The following NXN variants were observed in gnomAD, a reference collection of about 807,000 sequenced individuals.
The protein encoded by NXN is nucleoredoxin, also known as nucleoredoxin 1.
In NXN, 16 loss-of-function variants were observed where a neutral mutation model predicts 48.6. That is an observed-to-expected ratio of 0.33 (90% CI 0.22 to 0.50). The LOEUF is 0.50. Ranked by LOEUF, NXN falls within the 20% of genes least tolerant of loss-of-function variation. The pLI is 0.98. For synonymous variants in NXN, 281 were observed against 269.6 expected (o/e 1.04, Z -0.41); for missense variants, 492 against 605.5 (o/e 0.81, Z 1.97).
chr17:941,036 T>C (rs1477440995), intron 1 of NXN, among the ~76,000 whole-genome samples: 2 of 139,068 alleles, frequency 1.4e-5, no homozygotes, highest in East Asian at 2.2e-4. Context: ...GATTCCAGGG[T>C]GCAGCCATGA....
At chr17:960,705 T>C (rs2069226090) in intron 1 of NXN, among the ~76,000 whole-genome samples, 1 of 151,986 alleles carries the variant, frequency 6.6e-6, no homozygotes, top group Non-Finnish European at 1.5e-5. Flanking sequence ...CTCAAACTCC[T>C]GGGCTCGAGT....
chr17:824,809 C>T (rs549097425), intron 2 of NXN, among the ~76,000 whole-genome samples: 29 of 152,318 alleles, frequency 1.9e-4, no homozygotes, highest in South Asian at 1.2e-3. Context: ...ACAGGGTGGT[C>T]CAAGGACCTG....
intron 1 of NXN, among the ~76,000 whole-genome samples, chr17:941,513 C>G (rs1379984299): frequency 1.8e-5 from 2 of 110,314 alleles, no homozygotes; most frequent in African/African-American, 7.6e-5. Context: ...ATTCACCAAA[C>G]ACCTCCCTGG....
chr17:868,158 T>C (rs1053927026), intron 1 of NXN, among the ~76,000 whole-genome samples: 1 of 152,168 alleles, frequency 6.6e-6, no homozygotes. Context: ...GCTGCTTCCC[T>C]GGGAACCATT....
chr17:862,097 C>T (rs2144781625), intron 1 of NXN, among the ~76,000 whole-genome samples: 1 of 152,274 alleles, frequency 6.6e-6, no homozygotes, highest in African/African-American at 2.4e-5. Context: ...TCCCAAAGTG[C>T]TGGGATTACA....
intron 1 of NXN, among the ~76,000 whole-genome samples, chr17:955,882 A>G (rs1215100249): frequency 6.6e-6 from 1 of 151,510 alleles, no homozygotes; most frequent in Non-Finnish European, 1.5e-5. Context: ...AGCCTGGGCG[A>G]CAGAGCGAGA....
intron 1 of NXN, among the ~76,000 whole-genome samples, chr17:901,588 G>A (rs2068538108): frequency 6.6e-6 from 1 of 152,178 alleles, no homozygotes; most frequent in South Asian, 2.1e-4. Context: ...GAAAACCAGG[G>A]CAATGAATTC....
At chr17:872,248 G>C (rs1301521327) in intron 1 of NXN, among the ~76,000 whole-genome samples, 2 of 151,180 alleles carry the variant, frequency 1.3e-5, no homozygotes, top group African/African-American at 4.9e-5. Flanking sequence ...CGGAGGGAGG[G>C]AGGGAGGAAC....
At chr17:935,707 C>A (rs1324206767) in intron 1 of NXN, among the ~76,000 whole-genome samples, 1 of 152,106 alleles carries the variant, frequency 6.6e-6, no homozygotes, top group Admixed American at 6.6e-5. Context: ...GCTATTCATG[C>A]GGGTATTGAC....
intron 1 of NXN, among the ~76,000 whole-genome samples, chr17:918,940 C>T (rs2068717791): frequency 6.6e-6 from 1 of 152,044 alleles, no homozygotes; most frequent in Non-Finnish European, 1.5e-5. Context: ...TGGCGTGCGC[C>T]TGTAGTCCCA....
intron 1 of NXN, among the ~76,000 whole-genome samples, chr17:926,110 G>C (rs1363973035): frequency 6.6e-6 from 1 of 152,172 alleles, no homozygotes; most frequent in East Asian, 1.9e-4. Context: ...CTCTGGGATG[G>C]ATGAAAGCTC....
At chr17:972,345 C>T (rs1338776143) in intron 1 of NXN, among the ~76,000 whole-genome samples, 3 of 151,816 alleles carry the variant, frequency 2.0e-5, no homozygotes, top group Non-Finnish European at 4.4e-5. Context: ...GGCGTGGTGG[C>T]TGGCGCCTGT....
chr17:805,650 A>G (rs1313551718), intron 5 of NXN, among the ~76,000 whole-genome samples: 1 of 145,820 alleles, frequency 6.9e-6, no homozygotes, highest in Non-Finnish European at 1.5e-5. Flanking sequence ...CAGCCTGGCC[A>G]ACATGGTGAA....
chr17:823,123 G>T (rs1912905542), intron 3 of NXN, among the ~76,000 whole-genome samples: 1 of 147,010 alleles, frequency 6.8e-6, no homozygotes, highest in Non-Finnish European at 1.5e-5. Flanking sequence ...AGGGGGCCAG[G>T]CACGATGGTT....
rs1364078939 is a variant in NXN at position 917,455 on chromosome 17, A to G, written c.360+61864T>C. Among the ~76,000 whole-genome samples the G allele has an allele frequency of 2.0e-5, 3 of 152,294 alleles. No individual in the cohort carries two copies. The highest frequency in any genetic ancestry group is 7.2e-5 in the African/African-American group (3 of 41,568). ...GGAGCCGCCGCTCACATCTTTACTC[A>G]TGAACCTAAACTCACAGAGCAGCCC... On this transcript the variant is annotated intron_variant, in intron 1 of 7. Coordinates refer to ENST00000336868, the MANE Select transcript of NXN (RefSeq NM_022463.5). The surrounding 1 kb of genome is among the most constrained non-coding windows in gnomAD (Gnocchi z 4.5).
Position 800,926 on chromosome 17 carries a change from C to T in NXN, c.*23G>A, listed in dbSNP as rs1287640228. 21 of 1,405,800 alleles carry T rather than the reference C, an allele frequency of 1.5e-5. No individual in the cohort carries two copies. Among genetic ancestry groups the T allele is most frequent in the African/African-American group, 3.0e-5 (2 of 67,570 alleles). The allele number at this position is 1,405,800 out of a possible 1,614,324, so 87.1% of individuals were successfully genotyped here. A position where few individuals can be genotyped will look rare whatever the true frequency, so the allele number is the denominator to read the frequency against. On this transcript the variant is annotated 3_prime_UTR_variant, in exon 8 of 8. Transcript: ENST00000336868. ...GAGGAGAAGGCTGAGTTTTAAATAA[C>T]GTCTCAGGAGGCCGGAGCCACGCTA...
chr17:851,622 C>A (rs1484408422), intron 1 of NXN, among the ~76,000 whole-genome samples: 1 of 152,232 alleles, frequency 6.6e-6, no homozygotes, highest in Non-Finnish European at 1.5e-5. Context: ...CTGCTCCCAG[C>A]ACCCAGTTTC....
chr17:979,704 C>A lies in NXN; in HGVS notation c.-26G>T, dbSNP rs778252786. 6 of 1,373,116 alleles carry A rather than the reference C, an allele frequency of 4.4e-6. No individual in the cohort carries two copies. The highest frequency in any genetic ancestry group is 6.0e-5 in the Admixed American group (2 of 33,268). 85.1% of individuals were successfully genotyped at this position (1,373,116 alleles called of 1,614,324 possible). A position where few individuals can be genotyped will look rare whatever the true frequency, so the allele number is the denominator to read the frequency against. ...CCTGGCCCACCGCAGGGCGGGCAGG[C>A]GGCTGCGACCCCGCTCCACGGTCCG... On this transcript the variant is annotated 5_prime_UTR_variant, in exon 1 of 8. Transcript: ENST00000336868.
chr17:888,935 C>A (rs548225427), intron 1 of NXN, among the ~76,000 whole-genome samples: 14 of 130,206 alleles, frequency 1.1e-4, no homozygotes, highest in African/African-American at 4.3e-4. Flanking sequence ...AGCCTGGGGG[C>A]GACAAGTGCA....
Sources: gnomAD v4.1 joint callset for allele counts (sites outside exome capture counted in the v4.1 genomes callset) on GRCh38, gnomAD v4.1.1 for gene constraint, Gnocchi (gnomAD v3.1) non-coding constraint, MANE v1.5 for transcripts, NCBI Gene and HGNC (gene_info 2026-07-23, HGNC 2026-07-21) for gene names.